LARGE1: variants seen among roughly 807,000 people sequenced by gnomAD.
LARGE1 encodes LARGE xylosyl- and glucuronyltransferase 1.
A neutral mutation model predicts 87.6 loss-of-function variants in LARGE1; 43 were observed. The ratio of observed to expected loss-of-function variants is 0.49; its 90% CI spans 0.38 to 0.63. LARGE1 has a LOEUF of 0.63. Ranked by LOEUF, LARGE1 falls within the 30% of genes least tolerant of loss-of-function variation. The pLI is 0.00. For synonymous variants in LARGE1, 434 were observed against 394.6 expected, an observed-to-expected ratio of 1.10 and a Z score of -1.18; for missense variants, 802 against 1,000.2, an observed-to-expected ratio of 0.80 and a Z score of 2.67.
rs534255270 is a variant in LARGE1, at chr22:33,880,946, G to C, written c.-83+39049C>G. On this transcript the variant is annotated intron_variant, in intron 1 of 14. Coordinates refer to ENST00000397394, the MANE Select transcript of LARGE1 (RefSeq NM_133642.5). The stretch of plus-strand genomic sequence containing the variant: ...ATATATTTTATGTTTAATATACTTT[G>C]AATGTATGTTAATGTACTTTTTAGC... Among the ~76,000 whole-genome samples the C allele has an allele frequency of 7.9e-5, 12 of 152,204 alleles. No individual in the cohort carries two copies. The South Asian group carries it at 2.3e-3, about 29-fold the overall frequency.
At chr22:33,406,835 C>G (rs1376032230) in intron 7 of LARGE1, among the ~76,000 whole-genome samples, 3 of 152,180 alleles carry the variant, frequency 2.0e-5, no homozygotes, top group African/African-American at 7.2e-5. Flanking sequence ...CTTTGTCACC[C>G]AGGCTGGAGT....
intron 2 of LARGE1, among the ~76,000 whole-genome samples, chr22:33,655,340 T>C (rs922600594): frequency 3.3e-5 from 5 of 152,310 alleles, no homozygotes; most frequent in Non-Finnish European, 5.9e-5. Context: ...CTGACAGCCA[T>C]TGAATTGGGA....
intron 6 of LARGE1, among the ~76,000 whole-genome samples, chr22:33,433,362 C>T (rs567066052): frequency 3.1e-4 from 47 of 152,054 alleles, no homozygotes; most frequent in African/African-American, 9.9e-4. Context: ...TTTGGGAGGC[C>T]GGGATGGGCG....
At chr22:33,650,239 A>T in intron 3 of LARGE1, 128 bp downstream of exon 3, 1 of 1,189,718 alleles carries the variant, frequency 8.4e-7, no homozygotes, top group Non-Finnish European at 1.2e-6. Context: ...AGCCAGACTT[A>T]CACACCCGGG....
At position 33,261,663 on chromosome 22, in the gene LARGE1, T is replaced by C. The variant is rs769943998; in HGVS notation, c.1730+42566A>G. Among the ~76,000 whole-genome samples, 39 of 150,814 alleles carry C rather than the reference T, an allele frequency of 2.6e-4. 1 individual carries two copies. The highest frequency in any genetic ancestry group is 4.7e-4 in the Non-Finnish European group (32 of 67,824). On this transcript the variant is annotated intron_variant, in intron 11 of 11. Transcript: ENST00000608642. ...AAACCCTGTATTTGATTCCAGAAGT[T>C]GAGGAGGGTGAATTATACTGACTTT... is the stretch of plus-strand genomic sequence containing the variant.
intron 12 of LARGE1, among the ~76,000 whole-genome samples, chr22:33,298,930 G>A (rs1462848965): frequency 1.3e-5 from 2 of 151,724 alleles, no homozygotes; most frequent in East Asian, 1.9e-4. Context: ...AGAGAGACGC[G>A]GGAAGCAGTG....
At chr22:33,862,005 C>T (rs553856257) in intron 1 of LARGE1, among the ~76,000 whole-genome samples, 4 of 151,708 alleles carry the variant, frequency 2.6e-5, no homozygotes, top group Admixed American at 1.3e-4. Context: ...ATTACAGGCA[C>T]GCGCCACCAT....
At chr22:33,483,509 A>T (rs2069424146) in intron 6 of LARGE1, among the ~76,000 whole-genome samples, 1 of 152,158 alleles carries the variant, frequency 6.6e-6, no homozygotes, top group Admixed American at 6.5e-5. Context: ...GGACAGAGGT[A>T]AAAGAGCAAG....
At chr22:33,423,322 AATTTT>A (rs1335974074) in intron 7 of LARGE1, among the ~76,000 whole-genome samples, 8 of 152,070 alleles carry the variant, frequency 5.3e-5, no homozygotes, top group African/African-American at 1.9e-4. Context: ...ATTTTATAAT[AATTTT>A]ATTTTATTTA....
intron 4 of LARGE1, among the ~76,000 whole-genome samples, chr22:33,614,081 G>GA (rs2079515605): frequency 6.7e-6 from 1 of 149,496 alleles, no homozygotes; most frequent in South Asian, 2.1e-4. Context: ...AAAACTGCCT[G>GA]TTTTTTTTTT....
chr22:33,203,058 G>A (rs1463166450), intron 11 of LARGE1, among the ~76,000 whole-genome samples: 14 of 146,590 alleles, frequency 9.6e-5, no homozygotes, highest in East Asian at 6.2e-4. Flanking sequence ...TAGAAAAATA[G>A]AATCTAAACT....
At chr22:33,750,680 T>A (rs1317764174) in intron 2 of LARGE1, 2 of 152,102 alleles carry the variant, frequency 1.3e-5, no homozygotes, top group Non-Finnish European at 2.9e-5. Context: ...TTGGGGTCAA[T>A]ATCAAGCAGT....
chr22:33,703,832 G>A (rs1381817960), intron 2 of LARGE1, among the ~76,000 whole-genome samples: 2 of 152,332 alleles, frequency 1.3e-5, no homozygotes, highest in Admixed American at 6.5e-5. Context: ...GAGTAAATCT[G>A]TATTATTTTA....
chr22:33,451,785 C>T (rs2067940015), intron 6 of LARGE1, among the ~76,000 whole-genome samples: 2 of 152,130 alleles, frequency 1.3e-5, no homozygotes, highest in South Asian at 2.1e-4. Flanking sequence ...TCTTGATCTC[C>T]TGACCTTGTG....
chr22:33,401,565 C>G (rs1034104838), intron 7 of LARGE1, among the ~76,000 whole-genome samples: 1 of 152,136 alleles, frequency 6.6e-6, no homozygotes, highest in African/African-American at 2.4e-5. Flanking sequence ...TTTTTAGTAG[C>G]TGGTATATAG....
At chr22:33,301,323 T>C (rs921167143) in intron 12 of LARGE1, among the ~76,000 whole-genome samples, 1 of 152,102 alleles carries the variant, frequency 6.6e-6, no homozygotes, top group African/African-American at 2.4e-5. Context: ...TGCCTAGGAA[T>C]TGTCTAGGTC....
At chr22:33,727,945 C>G (rs2083321167) in intron 2 of LARGE1, among the ~76,000 whole-genome samples, 1 of 152,128 alleles carries the variant, frequency 6.6e-6, no homozygotes, top group Admixed American at 6.5e-5. Context: ...GATCAAAGGA[C>G]TGGGGACAGG....
intron 4 of LARGE1, among the ~76,000 whole-genome samples, chr22:33,618,781 T>G (rs1004198138): frequency 1.3e-5 from 2 of 152,230 alleles, no homozygotes; most frequent in Non-Finnish European, 1.5e-5. Context: ...GAAACAGTCC[T>G]GGGTAAATTC....
chr22:33,744,315 CGGTCACCCAGCT>C (rs1376516085), intron 2 of LARGE1: 1 of 152,168 alleles, frequency 6.6e-6, no homozygotes, highest in East Asian at 1.9e-4. Context: ...GACAAGCCCA[CGGTCACCCAGCT>C]GGTAAGTGGA....
Sources: gnomAD v4.1 joint callset for allele counts (sites outside exome capture counted in the v4.1 genomes callset) on GRCh38, gnomAD v4.1.1 for gene constraint, MANE v1.5 for transcripts, NCBI Gene and HGNC (gene_info 2026-07-23, HGNC 2026-07-21) for gene names.